Variants in TAT observed in about 807,000 individuals in gnomAD.
TAT encodes L-tyrosine:2-oxoglutarate aminotransferase.
A neutral mutation model predicts 53.6 loss-of-function variants in TAT; 35 were observed. The observed-to-expected ratio is 0.65, with a 90% confidence interval of 0.50 to 0.87. TAT has a LOEUF of 0.87. Among genes scored for constraint, TAT ranks in the 40% least tolerant of loss-of-function variants. The probability of loss-of-function intolerance (pLI) is 0.00; values close to 1 mark genes in which losing one functional copy is unlikely to be tolerated. For missense variants in TAT, 525 were observed against 571.8 expected (o/e 0.92, Z 0.83); for synonymous variants, 197 against 206.5 (o/e 0.95, Z 0.39).
At chr16:71,573,141 C>T (rs1161382142) in intron 4 of TAT, among the ~76,000 whole-genome samples, 3 of 152,134 alleles carry the variant, frequency 2.0e-5, no homozygotes, top group South Asian at 2.1e-4. Flanking sequence ...ATCTTTCTCT[C>T]TAAATGACCT....
At chr16:71,574,581 C>CAAAAAAAAAAAAAA (rs71389677) in intron 3 of TAT, among the ~76,000 whole-genome samples, 1 of 79,806 alleles carries the variant, frequency 1.3e-5, no homozygotes, top group African/African-American at 5.0e-5. Context: ...AACTTCGTCT[C>CAAAAAAAAAAAAAA]AAAAAAAAAA....
At chr16:71,572,370 A>C (rs1202949632) in intron 5 of TAT, 46 bp from the exon 6 acceptor site, 6 of 1,613,394 alleles carry the variant, frequency 3.7e-6, no homozygotes, top group Non-Finnish European at 5.1e-6. Context: ...TGAAACATTT[A>C]GGGGGAATCC....
At chr16:71,574,006 A>G (rs865989734) in intron 3 of TAT, among the ~76,000 whole-genome samples, 6 of 152,234 alleles carry the variant, frequency 3.9e-5, no homozygotes, top group Middle Eastern at 6.8e-3. Context: ...TCATCCCTCA[A>G]CTGACAGCTA....
chr16:71,576,193 A>C lies in TAT; in HGVS notation c.223T>G (p.Ser75Ala). Residue 75 changes from serine to alanine, a missense_variant, in exon 2 of 12, where the codon TCC (serine) becomes GCC (alanine). Physicochemically the swap from Ser to Ala is moderately conservative, Grantham distance 99 (BLOSUM62 1). Transcript: ENST00000355962. The stretch of plus-strand genomic sequence containing the variant: ...GTCCCCAACTCACCAATGGACAGGG[A>C]AATCATGGTTTTGTTTGGATTTGGT... The part of the protein sequence containing the change: ...VKPNPNKTMI[S>A]LSIGDPTVFG... 1 of 1,614,024 alleles carries C rather than the reference A, an allele frequency of 6.2e-7. No individual in the cohort carries two copies. The highest frequency in any genetic ancestry group is 8.5e-7 in the Non-Finnish European group (1 of 1,179,952).
chr16:71,572,770 G>A lies in TAT; in HGVS notation c.409-82C>T, dbSNP rs1030573845. On this transcript the variant is annotated intron_variant, in intron 4 of 11. Transcript: ENST00000355962. Reference sequence around the variant, plus strand: ...AGAAGTTGTCAGGTGGGTGAGTTGGGAGCAATTGTGAACTTCCTTTAACAA... The same window carrying A: ...AGAAGTTGTCAGGTGGGTGAGTTGGAAGCAATTGTGAACTTCCTTTAACAA... The A allele has an allele frequency of 3.3e-6, 5 of 1,515,310 alleles. No individual in the cohort carries two copies. In the African/African-American group the frequency reaches 6.9e-5, roughly 21 times the overall value. The allele number at this position is 1,515,310 out of a possible 1,614,324, so 93.9% of individuals were successfully genotyped here.
chr16:71,575,850 G>C, intron 3 of TAT, 72 bp downstream of exon 3: 1 of 1,375,274 alleles, frequency 7.3e-7, no homozygotes, highest in Non-Finnish European at 1.0e-6. Flanking sequence ...AGGATTGCTA[G>C]ACATTTAGTC....
At position 71,568,069 on chromosome 16, in the gene TAT, G is replaced by T; in HGVS notation, c.*75C>A. The T allele has an allele frequency of 6.3e-7, 1 of 1,592,358 alleles. No homozygotes were observed. Among genetic ancestry groups the T allele is most frequent in the South Asian group, 1.1e-5 (1 of 90,332 alleles). On this transcript the variant is annotated 3_prime_UTR_variant, in exon 12 of 12. Transcript: ENST00000355962. ...GGCCCCTCTCCCAGTAGGGCCACCT[G>T]AGTCCCTGAGGAGCCGCAAGGCCTA...
intron 2 of TAT, 55 bp from the exon 3 acceptor site, chr16:71,576,081 G>T: frequency 6.2e-7 from 1 of 1,609,620 alleles, no homozygotes; most frequent in South Asian, 1.1e-5. Flanking sequence ...CCCATGTTCA[G>T]TACTCAGACT....
rs2044238571 is a variant in TAT, at chr16:71,577,021, G to C, written c.-25C>G. 6.4e-6 allele frequency: 1 copy of C among 157,038 alleles called. No individual in the cohort carries two copies. The allele number at this position is 157,038 out of a possible 1,614,324, so 9.7% of individuals were successfully genotyped here. ...TTGAGATTTTTACCTTCCAAGTAAA[G>C]GAGAAAGCAGCCTCCAAGAAGCCAA... On this transcript the variant is annotated 5_prime_UTR_variant, in exon 1 of 12. Coordinates refer to ENST00000355962, the MANE Select transcript of TAT (RefSeq NM_000353.3).
At chr16:71,568,846 G>A (rs749977583) in intron 10 of TAT, 37 bp from the exon 11 acceptor site, 1 of 1,549,710 alleles carries the variant, frequency 6.5e-7, no homozygotes, top group Non-Finnish European at 8.9e-7. Flanking sequence ...CTTATCAGAA[G>A]GAGGGAGAAC....
chr16:71,576,069 C>G, intron 2 of TAT, 43 bp from the exon 3 acceptor site: 1 of 1,611,938 alleles, frequency 6.2e-7, no homozygotes, highest in Non-Finnish European at 8.5e-7. Flanking sequence ...AGAGGTTATT[C>G]TCCCATGTTC....
In TAT at chr16:71,568,535, A is replaced by G. The variant is rs2044179371; in HGVS notation, c.1224+176T>C. Reference sequence around the variant, plus strand: ...TTTTCTTCCCAGTATGGATGGGATTATGATGGGGGGGAGAAGCAAATTTTA... The same window carrying G: ...TTTTCTTCCCAGTATGGATGGGATTGTGATGGGGGGGAGAAGCAAATTTTA... On this transcript the variant is annotated intron_variant, in intron 11 of 11. Coordinates refer to ENST00000355962, the MANE Select transcript of TAT (RefSeq NM_000353.3). 5 of 710,002 alleles carry G rather than the reference A, an allele frequency of 7.0e-6. No homozygotes were observed. In the South Asian group the frequency reaches 8.6e-5, roughly 12 times the overall value. 44.0% of individuals were successfully genotyped at this position (710,002 alleles called of 1,614,324 possible). A position where few individuals can be genotyped will look rare whatever the true frequency, so the allele number is the denominator to read the frequency against.
At chr16:71,576,487 C>A (rs1229012696) in intron 1 of TAT, 60 bp from the exon 2 acceptor site, 1 of 1,430,778 alleles carries the variant, frequency 7.0e-7, no homozygotes, top group Non-Finnish European at 9.8e-7. Context: ...GACAGAGGAG[C>A]TACATTTGGA....
intron 10 of TAT, 57 bp downstream of exon 10, chr16:71,569,797 G>T: frequency 1.3e-6 from 2 of 1,529,248 alleles, no homozygotes; most frequent in South Asian, 2.3e-5. Flanking sequence ...TCTGCTGAAT[G>T]ACTGCCCTTT....
intron 11 of TAT, 172 bp downstream of exon 11, chr16:71,568,539 T>C: frequency 1.4e-6 from 1 of 713,214 alleles, no homozygotes; most frequent in Non-Finnish European, 2.4e-6. Context: ...GGGATTATGA[T>C]GGGGGGGAGA....
chr16:71,569,929 A>G lies in TAT; in HGVS notation c.1050T>C (p.Ala350=), dbSNP rs1323649409. Reference sequence around the variant, plus strand: ...CAGCCAACGCCCCATAACAGAGATCAGCATTGGACTACAAGAAGAGGCAAG... The same window carrying G: ...CAGCCAACGCCCCATAACAGAGATCGGCATTGGACTACAAGAAGAGGCAAG... ...HNTLSFLKSN[A]DLCYGALAAI... Residue 350 remains alanine (A), a synonymous_variant, in exon 10 of 12, where the codon GCT becomes GCC. Coordinates refer to ENST00000355962, the MANE Select transcript of TAT (RefSeq NM_000353.3). 1.9e-6 allele frequency: 3 copies of G among 1,613,492 alleles called. No individual in the cohort carries two copies. The highest frequency in any genetic ancestry group is 2.5e-6 in the Non-Finnish European group (3 of 1,179,834).
rs747499487 is a variant in TAT, at chr16:71,576,027, C to A, written c.236-1G>T. 2 of 1,614,088 alleles carry A rather than the reference C, an allele frequency of 1.2e-6. No individual in the cohort carries two copies. Among genetic ancestry groups the A allele is most frequent in the Non-Finnish European group, 1.7e-6 (2 of 1,180,020 alleles). ...AGGTTTCCAAACACAGTAGGGTCCC[C>A]TTTTTATGGGAGGAAAACACAAAAG... On this transcript the variant is annotated splice_acceptor_variant, in intron 2 of 11. Transcript: ENST00000355962. LOFTEE classifies it high-confidence loss of function.
chr16:71,572,624 G>C lies in TAT; in HGVS notation c.473C>G (p.Pro158Arg). The C allele has an allele frequency of 6.2e-7, 1 of 1,614,218 alleles. No homozygotes were observed. Among genetic ancestry groups the C allele is most frequent in the Non-Finnish European group, 8.5e-7 (1 of 1,180,028 alleles). Reference protein sequence around the residue: ...IDLCLAVLANPGQNILVPRPG... With the variant: ...IDLCLAVLANRGQNILVPRPG... The stretch of plus-strand genomic sequence containing the variant: ...TCTTGGAACCAGGATGTTTTGCCCT[G>C]GGTTGGCCAACACAGCTAAACAAAG... Residue 158 changes from proline (P) to arginine (R), a missense_variant, in exon 5 of 12, where the codon CCA becomes CGA. Coordinates refer to ENST00000355962, the MANE Select transcript of TAT (RefSeq NM_000353.3).
intron 7 of TAT, 81 bp downstream of exon 7, chr16:71,571,525 T>C: frequency 7.8e-7 from 1 of 1,286,916 alleles, no homozygotes; most frequent in South Asian, 1.2e-5. Context: ...CGATTAGGAG[T>C]TGTTTCTGAT....
Sources: gnomAD v4.1 joint callset for allele counts (sites outside exome capture counted in the v4.1 genomes callset) on GRCh38, gnomAD v4.1.1 for gene constraint, MANE v1.5 for transcripts, NCBI Gene and HGNC (gene_info 2026-07-23, HGNC 2026-07-21) for gene names.